OLFM3: variants seen among roughly 807,000 people sequenced by gnomAD.
OLFM3 encodes the protein olfactomedin 3.
A neutral mutation model predicts 48.6 loss-of-function variants in OLFM3; 20 were observed. The ratio of observed to expected loss-of-function variants is 0.41; its 90% CI spans 0.29 to 0.60. The LOEUF is 0.60. Ranked by LOEUF, OLFM3 falls within the 20% of genes least tolerant of loss-of-function variation. The pLI is 0.28. For synonymous variants in OLFM3, 222 were observed against 198.1 expected, an observed-to-expected ratio of 1.12 and a Z score of -1.01; for missense variants, 437 against 544.3, an observed-to-expected ratio of 0.80 and a Z score of 1.96.
intron 1 of OLFM3, among the ~76,000 whole-genome samples, chr1:101,851,446 C>G (rs1007054496): frequency 1.3e-5 from 2 of 152,124 alleles, no homozygotes; most frequent in Non-Finnish European, 2.9e-5. Context: ...CCAAAAGGAA[C>G]AGACCAGCTG....
intron 1 of OLFM3, among the ~76,000 whole-genome samples, chr1:101,847,845 G>T (rs1457101280): frequency 6.6e-6 from 1 of 152,068 alleles, no homozygotes; most frequent in Non-Finnish European, 1.5e-5. Context: ...ATGTGATTTA[G>T]TATAAAGGGC....
At position 101,911,971 on chromosome 1, in the gene OLFM3, G is replaced by A. The variant is rs114288393; in HGVS notation, c.70-74946C>T. ...GCTTTGTTATTTTCATATGGAGTAC[G>A]TAAGTTATTAATATTAAAAATATCA... is the stretch of plus-strand genomic sequence containing the variant. On this transcript the variant is annotated intron_variant, in intron 1 of 5. Transcript: ENST00000370103. 3.9e-3 allele frequency among the ~76,000 whole-genome samples: 601 copies of A among 152,274 alleles called. 3 individuals are homozygous for A. Among genetic ancestry groups the A allele is most frequent in the Non-Finnish European group, 7.0e-3 (475 of 68,022 alleles).
intron 1 of OLFM3, among the ~76,000 whole-genome samples, chr1:101,993,971 A>C (rs1414544270): frequency 6.6e-6 from 1 of 151,120 alleles, no homozygotes; most frequent in Non-Finnish European, 1.5e-5. Context: ...AAAAAAAGAC[A>C]CACACCGCAT....
intron 4 of OLFM3, among the ~76,000 whole-genome samples, chr1:101,806,558 C>T (rs1422749561): frequency 6.6e-6 from 1 of 151,722 alleles, no homozygotes; most frequent in Non-Finnish European, 1.5e-5. Context: ...GCCAGAAACT[C>T]CTTCCCTTCC....
intron 1 of OLFM3, among the ~76,000 whole-genome samples, chr1:101,857,599 CT>C (rs1007394547): frequency 9.2e-5 from 14 of 151,882 alleles, no homozygotes; most frequent in African/African-American, 2.7e-4. Context: ...CCTTTCCCCC[CT>C]CTCCTTTCCC....
intron 1 of OLFM3, among the ~76,000 whole-genome samples, chr1:101,935,247 A>G (rs1659574329): frequency 6.6e-6 from 1 of 151,986 alleles, no homozygotes; most frequent in Non-Finnish European, 1.5e-5. Flanking sequence ...TGAAGAAAAA[A>G]AAAGAAGATC....
At chr1:101,905,589 G>C (rs1658524525) in intron 1 of OLFM3, among the ~76,000 whole-genome samples, 1 of 152,092 alleles carries the variant, frequency 6.6e-6, no homozygotes, top group South Asian at 2.1e-4. Flanking sequence ...AGTGGGGAGT[G>C]CTCATCAAGC....
intron 1 of OLFM3, chr1:101,859,704 T>C (rs998359698): frequency 3.3e-5 from 5 of 152,162 alleles, no homozygotes; most frequent in African/African-American, 1.2e-4. Flanking sequence ...ATTTCAGATG[T>C]AGATTTTCAG....
chr1:101,991,016 A>AAAAAAATATATATAT (rs1553186119), intron 1 of OLFM3, among the ~76,000 whole-genome samples: 6 of 32,218 alleles, frequency 1.9e-4, no homozygotes, highest in Non-Finnish European at 3.1e-4. Context: ...AAAAAAAAAA[A>AAAAAAATATATATAT]ATATATATAT....
chr1:101,873,286 A>T (rs1447747532), intron 1 of OLFM3, among the ~76,000 whole-genome samples: 2 of 151,900 alleles, frequency 1.3e-5, no homozygotes, highest in Admixed American at 6.6e-5. Flanking sequence ...AGGAAAGAAG[A>T]GCCTCAAGAA....
chr1:101,850,306 T>C (rs17125580), intron 1 of OLFM3, among the ~76,000 whole-genome samples: 2,497 of 152,220 alleles, frequency 0.016, 66 homozygotes, highest in African/African-American at 0.056. Context: ...CTGAAAGCTA[T>C]TGATTAATAT....
intron 1 of OLFM3, among the ~76,000 whole-genome samples, chr1:101,857,151 A>C (rs1656455454): frequency 6.6e-6 from 1 of 151,994 alleles, no homozygotes; most frequent in South Asian, 2.1e-4. Context: ...CTGTTTCCCC[A>C]GTACTTTACA....
chr1:101,919,249 C>T (rs191626209), intron 1 of OLFM3, among the ~76,000 whole-genome samples: 48 of 151,898 alleles, frequency 3.2e-4, no homozygotes, highest in Non-Finnish European at 6.2e-4. Flanking sequence ...CTTTTTATTT[C>T]ACATATCCCT....
chr1:101,868,800 T>G (rs1421167091), intron 1 of OLFM3, among the ~76,000 whole-genome samples: 1 of 152,182 alleles, frequency 6.6e-6, no homozygotes, highest in African/African-American at 2.4e-5. Flanking sequence ...TGGGACAAGG[T>G]TCCCTCTATC....
At chr1:101,926,007 C>T (rs890024722) in intron 1 of OLFM3, among the ~76,000 whole-genome samples, 1 of 152,072 alleles carries the variant, frequency 6.6e-6, no homozygotes, top group Non-Finnish European at 1.5e-5. Flanking sequence ...GTCAAGGATG[C>T]AGAGAAGTGA....
At chr1:101,912,528 C>T (rs1174999628) in intron 1 of OLFM3, among the ~76,000 whole-genome samples, 2 of 152,114 alleles carry the variant, frequency 1.3e-5, no homozygotes, top group Non-Finnish European at 2.9e-5. Context: ...AAAAGTCACG[C>T]AATTTTTTAA....
At chr1:101,957,222 C>G (rs1170910850) in intron 1 of OLFM3, among the ~76,000 whole-genome samples, 1 of 151,950 alleles carries the variant, frequency 6.6e-6, no homozygotes, top group African/African-American at 2.4e-5. Flanking sequence ...CACTTTTTGA[C>G]TTTTGGAGTC....
At chr1:101,974,130 A>C (rs1660885165) in intron 1 of OLFM3, among the ~76,000 whole-genome samples, 1 of 151,892 alleles carries the variant, frequency 6.6e-6, no homozygotes, top group African/African-American at 2.4e-5. Context: ...CACTAACAAA[A>C]AATTTAGTGG....
chr1:101,964,924 T>C (rs1274764903), intron 1 of OLFM3, among the ~76,000 whole-genome samples: 1 of 152,204 alleles, frequency 6.6e-6, no homozygotes, highest in Non-Finnish European at 1.5e-5. Context: ...TATTTGAGGG[T>C]ATGTCCTGTC....
Sources: gnomAD v4.1 joint callset for allele counts (sites outside exome capture counted in the v4.1 genomes callset) on GRCh38, gnomAD v4.1.1 for gene constraint, MANE v1.5 for transcripts, NCBI Gene and HGNC (gene_info 2026-07-23, HGNC 2026-07-21) for gene names.